IFT57: variants seen among roughly 807,000 people sequenced by gnomAD.
IFT57 encodes intraflagellar transport protein 57 homolog.
Under a neutral mutation model 56.8 loss-of-function variants are expected in IFT57, and 59 were observed. That is an observed-to-expected ratio of 1.04 (90% confidence interval 0.84 to 1.29). The LOEUF is 1.29. Ranked by LOEUF, IFT57 falls within the 50% of genes most tolerant of loss-of-function variation. The pLI is 0.00. For missense variants in IFT57, 470 were observed against 522.1 expected, an observed-to-expected ratio of 0.90 and a Z score of 0.97; for synonymous variants, 209 against 186.1, an observed-to-expected ratio of 1.12 and a Z score of -1.00.
chr3:108,172,758 T>G (rs548003274), intron 6 of IFT57, among the ~76,000 whole-genome samples: 2 of 151,930 alleles, frequency 1.3e-5, no homozygotes, highest in East Asian at 3.9e-4. Context: ...GTTTCCAGCT[T>G]GAGGAACTGA....
At chr3:108,188,002 G>A (rs919027422) in intron 6 of IFT57, among the ~76,000 whole-genome samples, 5 of 148,642 alleles carry the variant, frequency 3.4e-5, no homozygotes, top group African/African-American at 9.9e-5. Flanking sequence ...GGTTTGTTAC[G>A]TATGTAGCAT....
chr3:108,220,328 T>C (rs1317683583), intron 1 of IFT57, among the ~76,000 whole-genome samples: 1 of 152,216 alleles, frequency 6.6e-6, no homozygotes, highest in Admixed American at 6.5e-5. Flanking sequence ...GCAACAACAT[T>C]CAAGTCAGTT....
chr3:108,195,173 G>T (rs2080236902), intron 5 of IFT57, among the ~76,000 whole-genome samples: 1 of 151,962 alleles, frequency 6.6e-6, no homozygotes, highest in African/African-American at 2.4e-5. Flanking sequence ...ATCAAAAAGA[G>T]ACATTTCTCA....
chr3:108,206,670 G>T lies in IFT57; in HGVS notation c.612C>A (p.Asn204Lys), dbSNP rs755173528. 1 of 1,379,688 alleles carries T rather than the reference G, an allele frequency of 7.2e-7. No homozygotes were observed. The highest frequency in any genetic ancestry group is 2.1e-5 in the Admixed American group (1 of 47,932). The allele number at this position is 1,379,688 out of a possible 1,614,324, so 85.5% of individuals were successfully genotyped here. The change falls in exon 5 of 11, where the codon AAC becomes AAA. Residue 204 changes from asparagine to lysine, a missense_variant. By Grantham distance (94) the Asn-to-Lys change is moderately conservative (BLOSUM62 0). Transcript: ENST00000264538. ...CCTTTAAAACGTTGAGATCAATAAAGTTTTCTTCATTATCTGTCTCTTCTT... is the reference window on the plus strand; with the variant it reads ...CCTTTAAAACGTTGAGATCAATAAATTTTTCTTCATTATCTGTCTCTTCTT... ...FVEEETDNEE[N>K]FIDLNVLKAQ...
At chr3:108,217,634 TAATTG>T (rs1248780153) in intron 3 of IFT57, among the ~76,000 whole-genome samples, 1 of 151,680 alleles carries the variant, frequency 6.6e-6, no homozygotes, top group African/African-American at 2.4e-5. Context: ...TAAAAGAATA[TAATTG>T]AATATACATT....
chr3:108,177,640 A>T (rs943409641), intron 6 of IFT57, among the ~76,000 whole-genome samples: 2 of 123,970 alleles, frequency 1.6e-5, no homozygotes, highest in African/African-American at 2.9e-5. Context: ...AGAAAAAAAA[A>T]TTTGAAAAAA....
At chr3:108,202,084 G>A (rs1288895718) in intron 5 of IFT57, among the ~76,000 whole-genome samples, 1 of 152,184 alleles carries the variant, frequency 6.6e-6, no homozygotes, top group Non-Finnish European at 1.5e-5. Flanking sequence ...AGGAAGAATA[G>A]TATCTATGGC....
chr3:108,164,856 C>A (rs2080051682), intron 9 of IFT57, among the ~76,000 whole-genome samples: 2 of 152,008 alleles, frequency 1.3e-5, no homozygotes, highest in Admixed American at 6.6e-5. Flanking sequence ...AAACTACTGA[C>A]CTTTTTTCAA....
chr3:108,173,287 CTT>C (rs1222173295), intron 6 of IFT57, among the ~76,000 whole-genome samples: 2 of 151,598 alleles, frequency 1.3e-5, no homozygotes, highest in Non-Finnish European at 2.9e-5. Flanking sequence ...TGTATACAAA[CTT>C]GAGGATAGTG....
intron 8 of IFT57, among the ~76,000 whole-genome samples, chr3:108,166,595 C>A (rs569012560): frequency 1.2e-3 from 177 of 152,116 alleles, no homozygotes; most frequent in African/African-American, 4.0e-3. Context: ...AAGCTATGTT[C>A]CCCCAACAGC....
At chr3:108,168,562 G>C (rs891194323) in intron 6 of IFT57, among the ~76,000 whole-genome samples, 1 of 151,894 alleles carries the variant, frequency 6.6e-6, no homozygotes, top group African/African-American at 2.4e-5. Context: ...ATGTGCCCTG[G>C]TGGTTTACTG....
intron 6 of IFT57, among the ~76,000 whole-genome samples, chr3:108,176,380 T>C (rs1480085483): frequency 6.6e-6 from 1 of 151,798 alleles, no homozygotes; most frequent in Non-Finnish European, 1.5e-5. Flanking sequence ...TTTAACATCA[T>C]CAATCACAAA....
chr3:108,214,117 G>T, intron 3 of IFT57, 96 bp from the exon 4 acceptor site: 4 of 656,384 alleles, frequency 6.1e-6, no homozygotes, highest in Admixed American at 3.0e-5. Context: ...GCCAGGTTTT[G>T]TCCTTTTTCA....
chr3:108,185,551 ATTT>A lies in IFT57; in HGVS notation c.777+5967_777+5969del, dbSNP rs1179200943. 1.7e-3 allele frequency among the ~76,000 whole-genome samples: 151 copies of A among 87,298 alleles called. 1 individual carries two copies. Among genetic ancestry groups the A allele is most frequent in the African/African-American group, 6.5e-3 (134 of 20,718 alleles). 57.3% of individuals were successfully genotyped at this position (87,298 alleles called of 152,430 possible). A position where few individuals can be genotyped will look rare whatever the true frequency, so the allele number is the denominator to read the frequency against. ...ATTACTAAGAGATGTGAGCACTAGG[ATTT>A]TTTTTTTTTTTTTTTTTTTTTTTGA... On this transcript the variant is annotated intron_variant, in intron 6 of 10. Coordinates refer to ENST00000264538, the MANE Select transcript of IFT57 (RefSeq NM_018010.4).
intron 6 of IFT57, among the ~76,000 whole-genome samples, chr3:108,176,926 T>C (rs924703173): frequency 4.6e-5 from 7 of 151,946 alleles, no homozygotes; most frequent in Admixed American, 6.6e-5. Flanking sequence ...TCAACACATA[T>C]AATTCCCTTA....
chr3:108,190,110 T>C (rs1235940399), intron 6 of IFT57, among the ~76,000 whole-genome samples: 1 of 152,176 alleles, frequency 6.6e-6, no homozygotes, highest in Admixed American at 6.6e-5. Flanking sequence ...TGCCTATAAG[T>C]GGACCTGTGC....
chr3:108,198,728 A>T (rs953637955), intron 5 of IFT57, among the ~76,000 whole-genome samples: 39 of 152,136 alleles, frequency 2.6e-4, no homozygotes, highest in African/African-American at 8.9e-4. Flanking sequence ...GGCGTGAGTC[A>T]CTGCACTCGG....
At position 108,206,631 on chromosome 3, in the gene IFT57, G is replaced by T. The variant is rs759096138; in HGVS notation, c.651C>A (p.His217Gln). Reference protein sequence around the residue: ...DLNVLKAQTYHLDMNETAKQE... With the variant: ...DLNVLKAQTYQLDMNETAKQE... ...GCATGTATCTGATGAAACTTACCAA[G>T]TGATATGTCTGGGCCTTTAAAACGT... Residue 217 changes from histidine to glutamine, a missense_variant, in exon 5 of 11, where the codon CAC becomes CAA. His to Gln is a conservative substitution (Grantham distance 24, BLOSUM62 0). Transcript: ENST00000264538. The T allele has an allele frequency of 2.2e-6, 3 of 1,352,058 alleles. No homozygotes were observed. The highest frequency in any genetic ancestry group is 2.2e-5 in the Admixed American group (1 of 46,130). The allele number at this position is 1,352,058 out of a possible 1,614,324, so 83.8% of individuals were successfully genotyped here.
rs1407167677 is a variant in IFT57 at position 108,217,876 on chromosome 3, C to T, written c.494+659G>A. ...TGAGTTTCCAAATGTTCTATTTCAT[C>T]TATATGCTCAATATCTATTAAACAT... On this transcript the variant is annotated intron_variant, in intron 3 of 10. Transcript: ENST00000264538. Among the ~76,000 whole-genome samples, 3 of 152,012 alleles carry T rather than the reference C, an allele frequency of 2.0e-5. No homozygotes were observed. The East Asian group carries it at 5.8e-4, about 29-fold the overall frequency.
Sources: allele counts gnomAD v4.1 joint callset (sites outside exome capture counted in the v4.1 genomes callset), GRCh38; gene constraint gnomAD v4.1.1; transcripts MANE v1.5; gene names NCBI Gene and HGNC (gene_info 2026-07-23, HGNC 2026-07-21).